The following BRSK1 variants were observed in gnomAD, a reference collection of about 807,000 sequenced individuals.
BRSK1 encodes serine/threonine-protein kinase BRSK1.
In BRSK1, 17 loss-of-function variants were observed where a neutral mutation model predicts 86.2. The observed-to-expected ratio is 0.20, with a 90% confidence interval of 0.14 to 0.30. The LOEUF is 0.30. Ranked by LOEUF, BRSK1 falls within the 10% of genes least tolerant of loss-of-function variation. The probability of loss-of-function intolerance (pLI) is 1.00; values close to 1 mark genes in which losing one functional copy is unlikely to be tolerated. For missense variants in BRSK1, 719 were observed against 1,071.9 expected (o/e 0.67, Z 4.60); for synonymous variants, 464 against 440.1 (o/e 1.05, Z -0.68).
At position 55,308,686 on chromosome 19, in the gene BRSK1, C is replaced by A. The variant is rs752139514; in HGVS notation, c.2137C>A (p.Leu713Ile). ...AGTGGTGGAGACCATCCAGGCACAG[C>A]TCCTGAGCACTCATGACCAGCCCTC... The part of the protein sequence containing the change: ...KRVVETIQAQ[L>I]LSTHDQPSVQ... Residue 713 changes from leucine (L) to isoleucine (I), a missense_variant, in exon 18 of 19, where the codon CTC (leucine) becomes ATC (isoleucine). This residue lies in a region of BRSK1 where 180 missense variants were observed against 259.4 expected (regional missense o/e 0.69). Transcript: ENST00000309383. 6.2e-7 allele frequency: 1 copy of A among 1,606,424 alleles called. No individual in the cohort carries two copies. Among genetic ancestry groups the A allele is most frequent in the African/African-American group, 1.4e-5 (1 of 72,612 alleles).
intron 18 of BRSK1, among the ~76,000 whole-genome samples, chr19:55,311,038 G>A (rs1376972530): frequency 1.3e-5 from 2 of 152,100 alleles, no homozygotes; most frequent in African/African-American, 2.4e-5. Context: ...TCAGCTCACT[G>A]CAACTTCCAC....
intron 17 of BRSK1, among the ~76,000 whole-genome samples, chr19:55,307,341 GA>G (rs2088667196): frequency 6.6e-6 from 1 of 151,936 alleles, no homozygotes; most frequent in Non-Finnish European, 1.5e-5. Context: ...GAGCAGGTCA[GA>G]AGTTCAAGAC....
chr19:55,286,969 C>G, intron 1 of BRSK1, 38 bp from the exon 2 acceptor site: 16 of 1,603,934 alleles, frequency 1.0e-5, no homozygotes, highest in Non-Finnish European at 1.4e-5. Context: ...CGAAGGGGAC[C>G]CGGCGGAACA....
chr19:55,303,113 T>C lies in BRSK1; in HGVS notation c.1029-198T>C. ...TTACAAATAGTTCTTGCCTGGATGT[T>C]AGGTGTTACAGTGTTATTATAATTG... On this transcript the variant is annotated intron_variant, in intron 10 of 18. Transcript: ENST00000309383. The surrounding 1 kb of genome is among the most constrained non-coding windows in gnomAD (Gnocchi z 5.1). 1.6e-6 allele frequency: 1 copy of C among 631,896 alleles called. No homozygotes were observed. The highest frequency in any genetic ancestry group is 2.7e-6 in the Non-Finnish European group (1 of 366,588). The allele number at this position is 631,896 out of a possible 1,614,324, so 39.1% of individuals were successfully genotyped here.
intron 17 of BRSK1, among the ~76,000 whole-genome samples, chr19:55,307,548 CA>C (rs11378640): frequency 0.065 from 5,245 of 80,554 alleles, 331 homozygotes; most frequent in African/African-American, 0.23. Context: ...GACTCTGTCT[CA>C]AAAAAAAAAA....
Position 55,299,957 on chromosome 19 carries a change from G to C in BRSK1, c.679-1555G>C, listed in dbSNP as rs531492584. ...ACACCATCACCTCCCATGAGTCTTT[G>C]TCCATGGGGGGTCACCTTGGCTCCC... On this transcript the variant is annotated intron_variant, in intron 7 of 18. Transcript: ENST00000309383. 2.6e-5 allele frequency among the ~76,000 whole-genome samples: 4 copies of C among 152,230 alleles called. No individual in the cohort carries two copies. The East Asian group carries it at 7.7e-4, about 29-fold the overall frequency.
In BRSK1 at chr19:55,311,000, G is replaced by A. The variant is rs1313330395; in HGVS notation, c.2180-911G>A. ...TTTTGAGACAGAATCTCCCTCTGTC[G>A]CTCAGGCTGGAGTGCAGTGGCGCGA... On this transcript the variant is annotated intron_variant, in intron 18 of 18. Coordinates refer to ENST00000309383, the MANE Select transcript of BRSK1 (RefSeq NM_032430.2). The surrounding 1 kb of genome is among the most constrained non-coding windows in gnomAD (Gnocchi z 5.0). Among the ~76,000 whole-genome samples the A allele has an allele frequency of 2.0e-5, 3 of 152,030 alleles. No individual in the cohort carries two copies. Among genetic ancestry groups the A allele is most frequent in the Admixed American group, 6.6e-5 (1 of 15,262 alleles).
rs2088775667 is a variant in BRSK1 at position 55,310,935 on chromosome 19, G to A, written c.2180-976G>A. Among the ~76,000 whole-genome samples, 1 of 152,050 alleles carries A rather than the reference G, an allele frequency of 6.6e-6. No homozygotes were observed. The highest frequency in any genetic ancestry group is 2.4e-5 in the African/African-American group (1 of 41,386). On this transcript the variant is annotated intron_variant, in intron 18 of 18. Coordinates refer to ENST00000309383, the MANE Select transcript of BRSK1 (RefSeq NM_032430.2). The surrounding 1 kb of genome is among the most constrained non-coding windows in gnomAD (Gnocchi z 5.0). ...GGGGGGTGCAGGCCTCCGAGTCACC[G>A]TGGTTGCTATGACAAGCCCCCCAGT...
chr19:55,304,696 G>A lies in BRSK1; in HGVS notation c.1493G>A (p.Arg498His). 3 of 1,455,066 alleles carry A rather than the reference G, an allele frequency of 2.1e-6. No homozygotes were observed. Among genetic ancestry groups the A allele is most frequent in the East Asian group, 2.6e-5 (1 of 38,124 alleles). The allele number at this position is 1,455,066 out of a possible 1,614,324, so 90.1% of individuals were successfully genotyped here. A position where few individuals can be genotyped will look rare whatever the true frequency, so the allele number is the denominator to read the frequency against. The change falls in exon 14 of 19, where the codon CGC (arginine) becomes CAC (histidine). Residue 498 changes from arginine (R) to histidine (H), a missense_variant. Coordinates refer to ENST00000309383, the MANE Select transcript of BRSK1 (RefSeq NM_032430.2). The surrounding 1 kb of genome is among the most constrained non-coding windows in gnomAD (Gnocchi z 5.2). Reference protein sequence around the residue: ...AGEQPPPPSARSTPLPGPPGS... With the variant: ...AGEQPPPPSAHSTPLPGPPGS... Reference sequence around the variant, plus strand: ...GAGCAGCCCCCGCCCCCCAGTGCCCGCTCCACACCCCTGCCCGGCCCCCCA... The same window carrying A: ...GAGCAGCCCCCGCCCCCCAGTGCCCACTCCACACCCCTGCCCGGCCCCCCA...
Position 55,303,531 on chromosome 19 carries a change from G to C in BRSK1, c.1126+123G>C. ...GGCTCTGAGCTTCCAGCTTTAGACT[G>C]CTTGACTTGCTCTTTGACATTTATC... On this transcript the variant is annotated intron_variant, in intron 11 of 18. Coordinates refer to ENST00000309383, the MANE Select transcript of BRSK1 (RefSeq NM_032430.2). The surrounding 1 kb of genome is among the most constrained non-coding windows in gnomAD (Gnocchi z 5.1). 6.8e-7 allele frequency: 1 copy of C among 1,474,042 alleles called. No individual in the cohort carries two copies. The highest frequency in any genetic ancestry group is 9.3e-7 in the Non-Finnish European group (1 of 1,070,730). The allele number at this position is 1,474,042 out of a possible 1,614,324, so 91.3% of individuals were successfully genotyped here.
At position 55,289,492 on chromosome 19, in the gene BRSK1, G is replaced by A. The variant is rs1007225189; in HGVS notation, c.330G>A (p.Leu110=). 1.2e-6 allele frequency: 2 copies of A among 1,613,300 alleles called. No individual in the cohort carries two copies. The highest frequency in any genetic ancestry group is 1.7e-6 in the Non-Finnish European group (2 of 1,179,606). The change falls in exon 4 of 19, where the codon CTG becomes CTA. Residue 110 remains leucine (L), a synonymous_variant. Coordinates refer to ENST00000309383, the MANE Select transcript of BRSK1 (RefSeq NM_032430.2). ...YENKKYLYLV[L]EHVSGGELFD... ...CTATATCCTTTAGGTACCTGGTTCT[G>A]GAGCACGTCTCGGGGGGTGAGCTAT...
rs575462692 is a variant in BRSK1 at position 55,287,276 on chromosome 19, C to A, written c.294C>A (p.Asp98Glu). The A allele has an allele frequency of 6.2e-7, 1 of 1,614,024 alleles. No individual in the cohort carries two copies. The highest frequency in any genetic ancestry group is 8.5e-7 in the Non-Finnish European group (1 of 1,179,952). Residue 98 changes from aspartate (D) to glutamate (E), a missense_variant, in exon 3 of 19, where the codon GAC becomes GAA. By Grantham distance (45) the Asp-to-Glu change is conservative. This residue lies in a region of BRSK1 where 75 missense variants were observed against 281.0 expected (regional missense o/e 0.27). Coordinates refer to ENST00000309383, the MANE Select transcript of BRSK1 (RefSeq NM_032430.2). The surrounding 1 kb of genome is among the most constrained non-coding windows in gnomAD (Gnocchi z 5.3). ...ACCCACATGTCCTCAAGCTCCACGACGTCTACGAGAACAAGAAATATTTGT... is the reference window on the plus strand; with the variant it reads ...ACCCACATGTCCTCAAGCTCCACGAAGTCTACGAGAACAAGAAATATTTGT... The part of the protein sequence containing the change: ...IEHPHVLKLH[D>E]VYENKKYLYL...
intron 1 of BRSK1, among the ~76,000 whole-genome samples, chr19:55,286,787 A>G (rs1456067307): frequency 6.6e-6 from 1 of 151,602 alleles, no homozygotes; most frequent in Non-Finnish European, 1.5e-5. Flanking sequence ...ACCTGGCTGG[A>G]TGGACAGTCA....
rs1356045267 is a variant in BRSK1 at position 55,284,320 on chromosome 19, C to A, written c.-123C>A. On this transcript the variant is annotated 5_prime_UTR_variant, in exon 1 of 19. Coordinates refer to ENST00000309383, the MANE Select transcript of BRSK1 (RefSeq NM_032430.2). ...GCCAGCCCAGCCCCCTGGGGACCCC[C>A]GGAGAGGTGGGGGGCAGCCGGGGGG... 6.0e-6 allele frequency: 5 copies of A among 830,054 alleles called. No homozygotes were observed. Among genetic ancestry groups the A allele is most frequent in the Non-Finnish European group, 8.0e-6 (5 of 621,884 alleles). The allele number at this position is 830,054 out of a possible 1,614,324, so 51.4% of individuals were successfully genotyped here.
intron 1 of BRSK1, 116 bp downstream of exon 1, chr19:55,284,694 A>G: frequency 1.1e-6 from 1 of 899,030 alleles, no homozygotes. Flanking sequence ...TGGGCCCCTC[A>G]TAGAGAAGGG....
chr19:55,312,042 G>A lies in BRSK1; in HGVS notation c.2311G>A (p.Ala771Thr). 3 of 1,483,964 alleles carry A rather than the reference G, an allele frequency of 2.0e-6. No homozygotes were observed. Among genetic ancestry groups the A allele is most frequent in the Non-Finnish European group, 2.7e-6 (3 of 1,116,470 alleles). 91.9% of individuals were successfully genotyped at this position (1,483,964 alleles called of 1,614,324 possible). ...CCCCCCCAAGGACAAGAAGCTCCTG[G>A]CCACCAACGGGACCCCTCTGCCCTG... ...RGPPKDKKLL[A>T]TNGTPLP The change falls in exon 19 of 19, where the codon GCC (alanine) becomes ACC (threonine). Residue 771 changes from alanine (A) to threonine (T), a missense_variant. By Grantham distance (58) the Ala-to-Thr change is moderately conservative (BLOSUM62 0). Transcript: ENST00000309383.
chr19:55,311,772 T>C, intron 18 of BRSK1, 139 bp from the exon 19 acceptor site: 1 of 869,244 alleles, frequency 1.2e-6, no homozygotes, highest in Non-Finnish European at 1.7e-6. Flanking sequence ...CTGGACGGAC[T>C]GGGCCTTATC....
intron 18 of BRSK1, among the ~76,000 whole-genome samples, chr19:55,311,694 C>CCGT (rs1300423861): frequency 2.0e-5 from 3 of 152,180 alleles, no homozygotes; most frequent in African/African-American, 4.8e-5. Context: ...GGTGCAGCCC[C>CCGT]CGTCCTAGGG....
intron 7 of BRSK1, among the ~76,000 whole-genome samples, chr19:55,299,902 T>C (rs2122968609): frequency 6.6e-6 from 1 of 152,180 alleles, no homozygotes; most frequent in East Asian, 1.9e-4. Flanking sequence ...ACTGGGAGCT[T>C]GCAACACCCG....
Sources: gnomAD v4.1 joint callset for allele counts (sites outside exome capture counted in the v4.1 genomes callset) on GRCh38, gnomAD v4.1.1 for gene constraint, gnomAD v4.1.1 regional missense constraint, Gnocchi (gnomAD v3.1) non-coding constraint, MANE v1.5 for transcripts, NCBI Gene and HGNC (gene_info 2026-07-23, HGNC 2026-07-21) for gene names.